The following BACH2 variants were observed in gnomAD, a reference collection of about 807,000 sequenced individuals.
BACH2 encodes the protein BACH transcriptional regulator 2, also known as transcription regulator protein BACH2.
Under a neutral mutation model 61.8 loss-of-function variants are expected in BACH2, and 5 were observed. The ratio of observed to expected loss-of-function variants is 0.08; its 90% CI spans 0.04 to 0.17. BACH2 has a LOEUF of 0.17. BACH2 is among the 10% of genes least tolerant of loss of function. The pLI is 1.00. For missense variants in BACH2, 824 were observed against 1,091.1 expected, an observed-to-expected ratio of 0.76 and a Z score of 3.45; for synonymous variants, 446 against 440.1, an observed-to-expected ratio of 1.01 and a Z score of -0.17.
At chr6:89,984,436 G>A (rs976964861) in intron 6 of BACH2, among the ~76,000 whole-genome samples, 10 of 152,002 alleles carry the variant, frequency 6.6e-5, no homozygotes, top group Admixed American at 5.9e-4. Context: ...GAGGGCTACA[G>A]AAATAGGTGA....
chr6:90,179,204 A>T (rs2127840389), intron 4 of BACH2, among the ~76,000 whole-genome samples: 1 of 152,264 alleles, frequency 6.6e-6, no homozygotes, highest in Admixed American at 6.5e-5. Context: ...TCTAGTGTGT[A>T]TTTCTATAAA....
At chr6:90,157,838 A>G (rs1252876196) in intron 4 of BACH2, among the ~76,000 whole-genome samples, 1 of 152,158 alleles carries the variant, frequency 6.6e-6, no homozygotes, top group African/African-American at 2.4e-5. Context: ...CACCTACTAT[A>G]TGTCCACTCC....
rs183054230 is a variant in BACH2, at chr6:90,024,540, A to G, written c.-12-15684T>C. On this transcript the variant is annotated intron_variant, in intron 5 of 8. Transcript: ENST00000257749. ...TTCATGCACTTCTATTTCCTTATCTATGCAAGGAGGAAATAAACTAGGTGA... is the reference window on the plus strand; with the variant it reads ...TTCATGCACTTCTATTTCCTTATCTGTGCAAGGAGGAAATAAACTAGGTGA... Among the ~76,000 whole-genome samples the G allele has an allele frequency of 1.9e-3, 295 of 152,254 alleles. 1 individual carries two copies. Among genetic ancestry groups the G allele is most frequent in the African/African-American group, 6.6e-3 (275 of 41,544 alleles).
At chr6:89,984,257 C>A (rs1776117240) in intron 6 of BACH2, among the ~76,000 whole-genome samples, 1 of 151,816 alleles carries the variant, frequency 6.6e-6, no homozygotes, top group African/African-American at 2.4e-5. Flanking sequence ...AACAGACAGA[C>A]CTTTTAAATA....
intron 5 of BACH2, chr6:90,062,791 A>C: frequency 3.0e-6 from 1 of 337,342 alleles, no homozygotes; most frequent in Non-Finnish European, 4.2e-6. Context: ...TGTAGTGACC[A>C]GCAATTGACA....
rs368910810 is a variant in BACH2, at chr6:90,195,613, C to T, written c.-162+10956G>A. ...CAATCAGCGCACTTTGGGAAGATAG[C>T]GCCAGTCCATTTCGAGTATTGATTC... On this transcript the variant is annotated intron_variant, in intron 4 of 8. Transcript: ENST00000257749. 2.1e-3 allele frequency among the ~76,000 whole-genome samples: 315 copies of T among 152,208 alleles called. 3 individuals are homozygous for T. The highest frequency in any genetic ancestry group is 6.9e-3 in the African/African-American group (288 of 41,532).
At chr6:90,154,721 A>G (rs998138438) in intron 4 of BACH2, among the ~76,000 whole-genome samples, 1 of 152,224 alleles carries the variant, frequency 6.6e-6, no homozygotes, top group Non-Finnish European at 1.5e-5. Context: ...GCCAATGCTC[A>G]AAACGTGTTC....
At chr6:90,285,186 T>C (rs375185730) in intron 1 of BACH2, among the ~76,000 whole-genome samples, 1 of 152,346 alleles carries the variant, frequency 6.6e-6, no homozygotes, top group South Asian at 2.1e-4. Context: ...AAACCATCTC[T>C]GAAAATACAT....
At chr6:90,295,518 G>A (rs1174475851) in intron 1 of BACH2, among the ~76,000 whole-genome samples, 3 of 152,190 alleles carry the variant, frequency 2.0e-5, no homozygotes, top group Non-Finnish European at 4.4e-5. Flanking sequence ...GCGGCGCCGG[G>A]CTCCCGAACA....
intron 4 of BACH2, among the ~76,000 whole-genome samples, chr6:90,123,388 G>A (rs1783711278): frequency 6.6e-6 from 1 of 152,178 alleles, no homozygotes. Flanking sequence ...AACTGTGAGA[G>A]AATAAACATT....
chr6:90,018,008 T>C (rs1193085135), intron 5 of BACH2, among the ~76,000 whole-genome samples: 1 of 152,230 alleles, frequency 6.6e-6, no homozygotes. Context: ...ATTTGTTAGA[T>C]AGGAAAAGCA....
intron 5 of BACH2, among the ~76,000 whole-genome samples, chr6:90,071,685 C>T (rs956807412): frequency 1.3e-5 from 2 of 152,206 alleles, no homozygotes; most frequent in Admixed American, 1.3e-4. Flanking sequence ...GTTGGGGCGC[C>T]GATCCCCGAC....
chr6:89,963,295 CTTGT>C (rs1774855647), intron 6 of BACH2, among the ~76,000 whole-genome samples: 1 of 151,912 alleles, frequency 6.6e-6, no homozygotes, highest in Admixed American at 6.6e-5. Context: ...TTTTATTTTT[CTTGT>C]TTGTTTTTGT....
At chr6:90,162,928 T>G (rs1261652422) in intron 4 of BACH2, among the ~76,000 whole-genome samples, 1 of 152,170 alleles carries the variant, frequency 6.6e-6, no homozygotes, top group South Asian at 2.1e-4. Flanking sequence ...AAAGCGGACT[T>G]GTAGTTGGTT....
At chr6:90,054,646 T>C (rs1002673379) in intron 5 of BACH2, among the ~76,000 whole-genome samples, 9 of 152,172 alleles carry the variant, frequency 5.9e-5, no homozygotes, top group African/African-American at 1.2e-4. Flanking sequence ...AGCACACAGC[T>C]TGAGATCTGA....
intron 4 of BACH2, among the ~76,000 whole-genome samples, chr6:90,191,846 C>A (rs1253006816): frequency 6.6e-6 from 1 of 152,116 alleles, no homozygotes; most frequent in African/African-American, 2.4e-5. Flanking sequence ...TCATCCTAGA[C>A]CCTTCTCTAA....
intron 5 of BACH2, among the ~76,000 whole-genome samples, chr6:90,026,041 A>C (rs1778619508): frequency 6.6e-6 from 1 of 152,216 alleles, no homozygotes; most frequent in Non-Finnish European, 1.5e-5. Context: ...GGGAGTTCCC[A>C]GAACCTGACA....
At chr6:90,066,475 G>A (rs878935392) in intron 5 of BACH2, among the ~76,000 whole-genome samples, 2 of 152,122 alleles carry the variant, frequency 1.3e-5, no homozygotes, top group Non-Finnish European at 2.9e-5. Context: ...GGTGGCAGAC[G>A]GTAGGGTGGA....
chr6:90,196,197 T>C (rs1463128289), intron 4 of BACH2, among the ~76,000 whole-genome samples: 1 of 151,926 alleles, frequency 6.6e-6, no homozygotes, highest in Admixed American at 6.6e-5. Flanking sequence ...TTGATTAGAA[T>C]AGGTGAAAAA....
Sources: gnomAD v4.1 joint callset for allele counts (sites outside exome capture counted in the v4.1 genomes callset) on GRCh38, gnomAD v4.1.1 for gene constraint, MANE v1.5 for transcripts, NCBI Gene and HGNC (gene_info 2026-07-23, HGNC 2026-07-21) for gene names.